Variants in CFAP20DC observed in about 807,000 individuals in gnomAD.
CFAP20DC encodes CFAP20 domain containing, also known as protein CFAP20DC.
Under a neutral mutation model 101.7 loss-of-function variants are expected in CFAP20DC, and 84 were observed. That is an observed-to-expected ratio of 0.83 (90% CI 0.69 to 0.99). The LOEUF (loss-of-function observed/expected upper bound fraction) is 0.99. Among genes scored for constraint, CFAP20DC ranks in the 50% least tolerant of loss-of-function variants. The probability of loss-of-function intolerance (pLI) is 0.00; values close to 1 mark genes in which losing one functional copy is unlikely to be tolerated. For missense variants in CFAP20DC, 1,007 were observed against 970.3 expected (o/e 1.04, Z -0.50); for synonymous variants, 359 against 351.2 (o/e 1.02, Z -0.25).
chr3:58,810,233 G>GAC (rs2074495717), intron 14 of CFAP20DC, among the ~76,000 whole-genome samples: 1 of 151,844 alleles, frequency 6.6e-6, no homozygotes, highest in African/African-American at 2.4e-5. Context: ...TACCAAAGTT[G>GAC]GGCAGAGACA....
chr3:58,941,516 G>A (rs144695700), intron 4 of CFAP20DC, among the ~76,000 whole-genome samples: 119 of 151,832 alleles, frequency 7.8e-4, no homozygotes, highest in African/African-American at 2.8e-3. Context: ...ATCATGTCCC[G>A]GAGTGAATAA....
chr3:58,730,651 T>C (rs1559526416), intron 3 of CFAP20DC, among the ~76,000 whole-genome samples: 1 of 152,278 alleles, frequency 6.6e-6, no homozygotes, highest in Middle Eastern at 3.4e-3. Flanking sequence ...TCCGTTGAGG[T>C]AGGGGTGACT....
intron 4 of CFAP20DC, among the ~76,000 whole-genome samples, chr3:58,988,972 A>G (rs2092842506): frequency 6.6e-6 from 1 of 152,158 alleles, no homozygotes; most frequent in African/African-American, 2.4e-5. Context: ...TGTTTTTTTA[A>G]AAACTATTTT....
chr3:58,845,597 G>T (rs938286419), intron 13 of CFAP20DC, among the ~76,000 whole-genome samples: 111 of 152,174 alleles, frequency 7.3e-4, no homozygotes, highest in Non-Finnish European at 1.1e-3. Context: ...AGGAGGAACT[G>T]GTACCTTTCC....
chr3:58,762,333 T>C (rs1379703199), intron 15 of CFAP20DC, among the ~76,000 whole-genome samples: 1 of 152,226 alleles, frequency 6.6e-6, no homozygotes, highest in Non-Finnish European at 1.5e-5. Flanking sequence ...GTTTAAAGTC[T>C]GTTTTATCAG....
At chr3:58,737,062 C>A (rs1344291477), downstream of CFAP20DC, 2 of 379,902 alleles carry the variant, frequency 5.3e-6, no homozygotes, top group African/African-American at 2.1e-5. This position sits in a 1 kb window ranked among gnomAD's most constrained non-coding sequence, Gnocchi z 4.1. Flanking sequence ...ATATTACCTA[C>A]AGTTATAAGT....
chr3:59,032,140 G>A (rs1234091546), intron 4 of CFAP20DC, among the ~76,000 whole-genome samples: 2 of 152,146 alleles, frequency 1.3e-5, no homozygotes, highest in African/African-American at 4.8e-5. Flanking sequence ...GAGGGACTGA[G>A]CCATGGGGAG....
At chr3:58,851,902 C>T (rs1300191750) in intron 12 of CFAP20DC, among the ~76,000 whole-genome samples, 2 of 152,140 alleles carry the variant, frequency 1.3e-5, no homozygotes, top group African/African-American at 2.4e-5. Flanking sequence ...GGAGCATTGT[C>T]GTGGTGGAGA....
At chr3:58,934,977 C>T (rs956233934) in intron 5 of CFAP20DC, among the ~76,000 whole-genome samples, 7 of 152,168 alleles carry the variant, frequency 4.6e-5, no homozygotes, top group Middle Eastern at 3.2e-3. Context: ...AAGAGGAAGT[C>T]AAATTGTCCC....
Position 59,047,226 on chromosome 3 carries a change from G to C in CFAP20DC, c.50C>G (p.Ala17Gly). 6.5e-7 allele frequency: 1 copy of C among 1,534,900 alleles called. No homozygotes were observed. Among genetic ancestry groups the C allele is most frequent in the Non-Finnish European group, 8.7e-7 (1 of 1,146,032 alleles). The change falls in exon 2 of 17, where the codon GCT (alanine) becomes GGT (glycine). Residue 17 changes from alanine to glycine, a missense_variant. Transcript: ENST00000482387. Reference protein sequence around the residue: ...QGGAFVEIFSAQGKNPGAKWK... With the variant: ...QGGAFVEIFSGQGKNPGAKWK... Reference sequence around the variant, plus strand: ...TTTTGCTCCAGGATTTTTTCCTTGAGCACTGAAAATTTCAACAAATGCACC... The same window carrying C: ...TTTTGCTCCAGGATTTTTTCCTTGACCACTGAAAATTTCAACAAATGCACC...
At chr3:59,029,308 T>C (rs1423123360) in intron 4 of CFAP20DC, among the ~76,000 whole-genome samples, 1 of 151,970 alleles carries the variant, frequency 6.6e-6, no homozygotes, top group Admixed American at 6.6e-5. Flanking sequence ...TAAATAAACA[T>C]ATAATAATTA....
chr3:58,774,225 C>G (rs891777128), intron 15 of CFAP20DC, among the ~76,000 whole-genome samples: 2 of 152,020 alleles, frequency 1.3e-5, no homozygotes, highest in African/African-American at 4.8e-5. Context: ...TCAATTTAAT[C>G]AACATGCAAA....
At chr3:58,765,768 T>C (rs1284519184) in intron 15 of CFAP20DC, among the ~76,000 whole-genome samples, 1 of 152,174 alleles carries the variant, frequency 6.6e-6, no homozygotes, top group Non-Finnish European at 1.5e-5. Context: ...TGTCTATCCA[T>C]ACTTAATGAT....
intron 15 of CFAP20DC, 148 bp from the exon 16 acceptor site, chr3:58,754,011 AT>A: frequency 1.7e-6 from 1 of 590,396 alleles, no homozygotes; most frequent in East Asian, 2.9e-5. Flanking sequence ...CCAGATATCA[AT>A]ATCCAGTTTT....
intron 4 of CFAP20DC, among the ~76,000 whole-genome samples, chr3:58,994,448 T>C (rs569132175): frequency 1.3e-5 from 2 of 152,270 alleles, no homozygotes; most frequent in South Asian, 4.1e-4. Context: ...TCCTCATTTT[T>C]TTTTTAATGG....
Position 58,897,639 on chromosome 3 carries a change from G to A in CFAP20DC, c.551-12930C>T, listed in dbSNP as rs1193364781. The stretch of plus-strand genomic sequence containing the variant: ...ATCTTATTTCTTTTCACTTTTGAAG[G>A]TTAGTTTGGCCAGATATGAAATTCA... On this transcript the variant is annotated intron_variant, in intron 6 of 16. Transcript: ENST00000482387. The surrounding 1 kb of genome is among the most constrained non-coding windows in gnomAD (Gnocchi z 4.4). 6.6e-6 allele frequency among the ~76,000 whole-genome samples: 1 copy of A among 152,174 alleles called. No homozygotes were observed. The highest frequency in any genetic ancestry group is 1.5e-5 in the Non-Finnish European group (1 of 68,036).
At position 58,892,175 on chromosome 3, in the gene CFAP20DC, C is replaced by A. The variant is rs2082310588; in HGVS notation, c.551-7466G>T. On this transcript the variant is annotated intron_variant, in intron 6 of 16. Transcript: ENST00000482387. The surrounding 1 kb of genome is among the most constrained non-coding windows in gnomAD (Gnocchi z 4.0). ...TGGCCTTATTTCTAGGCTCTCTATTCTCTTCCACTGGTCTATGTGCCTGTT... is the reference window on the plus strand; with the variant it reads ...TGGCCTTATTTCTAGGCTCTCTATTATCTTCCACTGGTCTATGTGCCTGTT... Among the ~76,000 whole-genome samples the A allele has an allele frequency of 6.6e-6, 1 of 152,208 alleles. No homozygotes were observed. The highest frequency in any genetic ancestry group is 2.1e-4 in the South Asian group (1 of 4,828).
chr3:58,788,732 T>G lies in CFAP20DC; in HGVS notation c.2237+17663A>C, dbSNP rs1419823742. ...TTTTAATCTCAGCTTAAACTTCCTT[T>G]TAGCCTTGTGACCTTTGAGCCAAAC... On this transcript the variant is annotated intron_variant, in intron 15 of 16. Transcript: ENST00000482387. The surrounding 1 kb of genome is among the most constrained non-coding windows in gnomAD (Gnocchi z 4.2). Among the ~76,000 whole-genome samples the G allele has an allele frequency of 1.3e-5, 2 of 152,148 alleles. No individual in the cohort carries two copies. Among genetic ancestry groups the G allele is most frequent in the South Asian group, 4.1e-4 (2 of 4,826 alleles).
rs1003771787 is a variant in CFAP20DC at position 59,014,575 on chromosome 3, G to C, written c.278+24982C>G. Among the ~76,000 whole-genome samples, 1 of 152,128 alleles carries C rather than the reference G, an allele frequency of 6.6e-6. No homozygotes were observed. The highest frequency in any genetic ancestry group is 2.4e-5 in the African/African-American group (1 of 41,436). Reference sequence around the variant, plus strand: ...TAAATTTTATTTAAGCAAACTAAAAGGTAGTGTTGTGGTAATTATAATATG... The same window carrying C: ...TAAATTTTATTTAAGCAAACTAAAACGTAGTGTTGTGGTAATTATAATATG... On this transcript the variant is annotated intron_variant, in intron 4 of 16. Transcript: ENST00000482387. The surrounding 1 kb of genome is among the most constrained non-coding windows in gnomAD (Gnocchi z 4.9).
Sources: gnomAD v4.1 joint callset for allele counts (sites outside exome capture counted in the v4.1 genomes callset) on GRCh38, gnomAD v4.1.1 for gene constraint, Gnocchi (gnomAD v3.1) non-coding constraint, MANE v1.5 for transcripts, NCBI Gene and HGNC (gene_info 2026-07-23, HGNC 2026-07-21) for gene names.